Variants in ABCB10 observed in about 807,000 individuals in gnomAD.
The protein encoded by ABCB10 is ATP-binding cassette sub-family B member 10, mitochondrial.
ABCB10 carries 54 observed loss-of-function variants against 65.4 expected under a neutral mutation model. The observed-to-expected ratio is 0.83, with a 90% CI of 0.66 to 1.04. ABCB10 has a LOEUF of 1.04. ABCB10 is among the 50% of genes least tolerant of loss of function. The pLI, the probability that ABCB10 is intolerant of heterozygous loss-of-function variation, is 0.00. For missense variants in ABCB10, 846 were observed against 976.6 expected, an observed-to-expected ratio of 0.87 and a Z score of 1.78; for synonymous variants, 418 against 406.5, an observed-to-expected ratio of 1.03 and a Z score of -0.34.
intron 8 of ABCB10, 70 bp from the exon 9 acceptor site, chr1:229,527,378 C>A: frequency 1.5e-6 from 2 of 1,365,256 alleles, no homozygotes; most frequent in Non-Finnish European, 2.1e-6. Context: ...CAGAAAGGAT[C>A]CGGTGGGAAA....
intron 8 of ABCB10, among the ~76,000 whole-genome samples, chr1:229,527,852 A>C (rs191806226): frequency 8.6e-4 from 131 of 152,304 alleles, no homozygotes; most frequent in African/African-American, 3.0e-3. Flanking sequence ...ACAATCTAGA[A>C]TCTATTTTGT....
At position 229,532,361 on chromosome 1, in the gene ABCB10, T is replaced by C. The variant is rs1030059890; in HGVS notation, c.1340-630A>G. On this transcript the variant is annotated intron_variant, in intron 6 of 12. Coordinates refer to ENST00000344517, the MANE Select transcript of ABCB10 (RefSeq NM_012089.3). ...AAATCATAATGCCGCAGAGGAAATC[T>C]ACCTAGTTAAAAGCATTGTAATTTA... is the stretch of plus-strand genomic sequence containing the variant. Among the ~76,000 whole-genome samples, 52 of 152,358 alleles carry C rather than the reference T, an allele frequency of 3.4e-4. 1 individual carries two copies. The highest frequency in any genetic ancestry group is 1.3e-3 in the African/African-American group (52 of 41,584).
At chr1:229,556,466 G>A (rs555488153) in intron 1 of ABCB10, among the ~76,000 whole-genome samples, 4 of 151,984 alleles carry the variant, frequency 2.6e-5, no homozygotes, top group Non-Finnish European at 5.9e-5. Context: ...TTGAGCTGAG[G>A]AGTTCAACAC....
At chr1:229,553,184 C>T (rs938372291) in intron 1 of ABCB10, among the ~76,000 whole-genome samples, 15 of 151,940 alleles carry the variant, frequency 9.9e-5, no homozygotes, top group South Asian at 6.2e-4. Context: ...AATCTCAGCT[C>T]ACTGCAACCT....
chr1:229,539,356 G>T, intron 6 of ABCB10, 100 bp downstream of exon 6: 1 of 1,494,504 alleles, frequency 6.7e-7, no homozygotes, highest in Non-Finnish European at 9.2e-7. Flanking sequence ...TGCTTTTTCA[G>T]TGGAAGTTAA....
At chr1:229,537,641 T>C (rs1662749337) in intron 6 of ABCB10, among the ~76,000 whole-genome samples, 1 of 151,940 alleles carries the variant, frequency 6.6e-6, no homozygotes, top group African/African-American at 2.4e-5. Flanking sequence ...ATCCAAAAAA[T>C]TAGCCAGGTG....
chr1:229,546,580 A>T (rs1446177195), intron 3 of ABCB10, among the ~76,000 whole-genome samples: 1 of 152,174 alleles, frequency 6.6e-6, no homozygotes, highest in Admixed American at 6.5e-5. Flanking sequence ...CATTATTAAA[A>T]TTAATCTCAG....
In ABCB10 at chr1:229,549,234, C is replaced by A. The variant is rs759113984; in HGVS notation, c.718G>T (p.Gly240Cys). The A allele has an allele frequency of 2.6e-5, 42 of 1,613,826 alleles. No homozygotes were observed. Among genetic ancestry groups the A allele is most frequent in the Non-Finnish European group, 3.5e-5 (41 of 1,179,924 alleles). ...CATCCCTGAGAGGAGAGACTGTTACCTGAAGTTTGCATGAGGTAGACACGA... is the reference window on the plus strand; with the variant it reads ...CATCCCTGAGAGGAGAGACTGTTACATGAAGTTTGCATGAGGTAGACACGA... The part of the protein sequence containing the change: ...AIRVYLMQTS[G>C]QRIVNRLRTS... The change falls in exon 2 of 13, where the codon GGT (glycine) becomes TGT (cysteine). Residue 240 changes from glycine to cysteine, a missense_variant and splice_region_variant. This residue lies in a region of ABCB10 where 632 missense variants were observed against 803.2 expected (regional missense o/e 0.79). Coordinates refer to ENST00000344517, the MANE Select transcript of ABCB10 (RefSeq NM_012089.3).
Position 229,530,426 on chromosome 1 carries a change from A to G in ABCB10, c.1436-18T>C, listed in dbSNP as rs756509543. 3.1e-6 allele frequency: 5 copies of G among 1,612,776 alleles called. No individual in the cohort carries two copies. In the African/African-American group the frequency reaches 5.3e-5, roughly 17 times the overall value. The stretch of plus-strand genomic sequence containing the variant: ...GACCCCCTCTGAAACATAAAATGGA[A>G]TATTAATTACTTACAGCAAAAAATT... On this transcript the variant is annotated intron_variant, in intron 7 of 12. Coordinates refer to ENST00000344517, the MANE Select transcript of ABCB10 (RefSeq NM_012089.3).
intron 11 of ABCB10, among the ~76,000 whole-genome samples, chr1:229,519,538 G>A (rs780828443): frequency 3.9e-5 from 6 of 151,984 alleles, no homozygotes; most frequent in Non-Finnish European, 7.4e-5. Context: ...CTGTAATCCC[G>A]GCAATTTGGG....
intron 1 of ABCB10, among the ~76,000 whole-genome samples, chr1:229,557,206 T>C (rs973085364): frequency 6.8e-6 from 1 of 147,604 alleles, no homozygotes; most frequent in Non-Finnish European, 1.5e-5. Context: ...AGAATGCTTT[T>C]CTGGTGTTGC....
At chr1:229,543,024 G>A (rs540241678) in intron 3 of ABCB10, among the ~76,000 whole-genome samples, 3 of 151,854 alleles carry the variant, frequency 2.0e-5, no homozygotes, top group South Asian at 4.2e-4. Flanking sequence ...CCAGCTACTC[G>A]GGAGGCTGAG....
intron 10 of ABCB10, among the ~76,000 whole-genome samples, chr1:229,523,058 T>C (rs1048143415): frequency 6.6e-6 from 1 of 152,114 alleles, no homozygotes. Flanking sequence ...TCCCCTCCTC[T>C]AGAGGAAAAA....
At chr1:229,535,674 G>C (rs1662703051) in intron 6 of ABCB10, among the ~76,000 whole-genome samples, 1 of 151,808 alleles carries the variant, frequency 6.6e-6, no homozygotes, top group African/African-American at 2.4e-5. Context: ...AACACCAAGA[G>C]TGAACCCTAA....
At chr1:229,525,829 C>T (rs1452893247) in intron 10 of ABCB10, 107 bp downstream of exon 10, 1 of 1,374,918 alleles carries the variant, frequency 7.3e-7, no homozygotes, top group Non-Finnish European at 9.9e-7. Context: ...CAGAGCAAGA[C>T]TCAAGACTCC....
In ABCB10 at chr1:229,518,192, A is replaced by G. The variant is rs1434952278; in HGVS notation, c.2204T>C (p.Phe735Ser). The stretch of plus-strand genomic sequence containing the variant: ...GTAATTGCTTCCTTATGCTGAAATA[A>G]AACTTTGTTTGTTCATTAGTTTTCT... Reference protein sequence around the residue: ...IYRKLMNKQSFISA With the variant: ...IYRKLMNKQSSISA Residue 735 changes from phenylalanine (F) to serine (S), a missense_variant, in exon 13 of 13, where the codon TTT (phenylalanine) becomes TCT (serine). Coordinates refer to ENST00000344517, the MANE Select transcript of ABCB10 (RefSeq NM_012089.3). The G allele has an allele frequency of 2.5e-6, 4 of 1,613,746 alleles. No individual in the cohort carries two copies.
chr1:229,557,386 C>G (rs1271276518), intron 1 of ABCB10, among the ~76,000 whole-genome samples: 1 of 152,098 alleles, frequency 6.6e-6, no homozygotes, highest in African/African-American at 2.4e-5. Context: ...AGGGCCCAGT[C>G]CAGAATGAGG....
At chr1:229,519,827 A>G (rs553674782) in intron 11 of ABCB10, among the ~76,000 whole-genome samples, 97 of 151,180 alleles carry the variant, frequency 6.4e-4, no homozygotes, top group African/African-American at 1.9e-3. Context: ...AAGTAAATAA[A>G]TAAATAAAAT....
chr1:229,535,338 C>T (rs537625915), intron 6 of ABCB10: 13 of 152,238 alleles, frequency 8.5e-5, no homozygotes, highest in African/African-American at 2.6e-4. Context: ...GCCAAGTGCC[C>T]TTTAGTAGGT....
Sources: allele counts gnomAD v4.1 joint callset (sites outside exome capture counted in the v4.1 genomes callset), GRCh38; gene constraint gnomAD v4.1.1; regional missense constraint gnomAD v4.1.1; transcripts MANE v1.5; gene names NCBI Gene and HGNC (gene_info 2026-07-23, HGNC 2026-07-21).